Variants in MYH15 observed in about 807,000 individuals in gnomAD.
The protein encoded by MYH15 is myosin-15.
Under a neutral mutation model 240.5 loss-of-function variants are expected in MYH15, and 227 were observed. The ratio of observed to expected loss-of-function variants is 0.94; its 90% confidence interval spans 0.85 to 1.05. The LOEUF is 1.05. Ranked by LOEUF, MYH15 falls within the 50% of genes least tolerant of loss-of-function variation. MYH15 has a pLI of 0.00. For synonymous variants in MYH15, 785 were observed against 796.7 expected, an observed-to-expected ratio of 0.99 and a Z score of 0.25; for missense variants, 2,217 against 2,247.5, an observed-to-expected ratio of 0.99 and a Z score of 0.27.
chr3:108,494,747 G>A (rs1391391596), intron 7 of MYH15, among the ~76,000 whole-genome samples: 3 of 152,152 alleles, frequency 2.0e-5, no homozygotes, highest in Non-Finnish European at 4.4e-5. Flanking sequence ...GCCCACTTCA[G>A]CCTCCCAAAG....
chr3:108,456,908 G>T, intron 18 of MYH15, 25 bp from the exon 19 acceptor site: 1 of 1,532,440 alleles, frequency 6.5e-7, no homozygotes, highest in East Asian at 2.3e-5. Flanking sequence ...GAGTCATGGT[G>T]GATCTGTGCC....
At chr3:108,488,713 C>G (rs992518041) in intron 9 of MYH15, among the ~76,000 whole-genome samples, 5 of 152,104 alleles carry the variant, frequency 3.3e-5, no homozygotes, top group African/African-American at 1.2e-4. Flanking sequence ...TTTTCTCTAT[C>G]TCGGCAATTG....
At chr3:108,527,058 T>C (rs1051823436) in intron 1 of MYH15, among the ~76,000 whole-genome samples, 20 of 152,154 alleles carry the variant, frequency 1.3e-4, no homozygotes, top group African/African-American at 4.8e-4. Flanking sequence ...CAGAATTATT[T>C]AGAGGGTTTG....
At chr3:108,538,904 C>T in the MYH15 span, among the ~76,000 whole-genome samples, 10 of 152,074 alleles carry the variant, frequency 6.6e-5, no homozygotes, top group Non-Finnish European at 1.5e-4. Context: ...CACCCCATGG[C>T]AGAGAGTGGA....
chr3:108,512,318 T>G (rs1399551271), upstream of MYH15, among the ~76,000 whole-genome samples: 1 of 152,130 alleles, frequency 6.6e-6, no homozygotes, highest in Non-Finnish European at 1.5e-5. Context: ...TCATCAACTC[T>G]GTGGGCAGGA....
chr3:108,422,596 A>G (rs1401404318), intron 27 of MYH15, among the ~76,000 whole-genome samples: 1 of 152,204 alleles, frequency 6.6e-6, no homozygotes, highest in Non-Finnish European at 1.5e-5. Flanking sequence ...TGCTTGTTAC[A>G]TACCCAGCTC....
chr3:108,415,132 G>C (rs2082623339), intron 29 of MYH15, among the ~76,000 whole-genome samples: 1 of 152,014 alleles, frequency 6.6e-6, no homozygotes, highest in Non-Finnish European at 1.5e-5. Flanking sequence ...GGCCCTGCTG[G>C]GTTTAATAAA....
the MYH15 span, among the ~76,000 whole-genome samples, chr3:108,534,582 T>G: frequency 6.6e-6 from 1 of 152,082 alleles, no homozygotes; most frequent in Non-Finnish European, 1.5e-5. Context: ...AAGAAATCAT[T>G]AGGTCAGATT....
intron 21 of MYH15, among the ~76,000 whole-genome samples, chr3:108,450,487 TA>T (rs1240754732): frequency 1.3e-5 from 2 of 152,098 alleles, no homozygotes; most frequent in African/African-American, 4.8e-5. Context: ...TGTGGGATAT[TA>T]AAAAAGTCAA....
At chr3:108,545,452 G>A in the MYH15 span, among the ~76,000 whole-genome samples, 1 of 152,080 alleles carries the variant, frequency 6.6e-6, no homozygotes, top group African/African-American at 2.4e-5. Context: ...TAAAAGCCAT[G>A]AGCTTTATTT....
chr3:108,419,530 C>T (rs1359385152), intron 28 of MYH15, among the ~76,000 whole-genome samples: 2 of 152,188 alleles, frequency 1.3e-5, no homozygotes, highest in Non-Finnish European at 2.9e-5. Flanking sequence ...GGCCAGACAT[C>T]CAGGTATTCT....
At chr3:108,462,300 C>T (rs1465719912) in intron 16 of MYH15, among the ~76,000 whole-genome samples, 1 of 152,106 alleles carries the variant, frequency 6.6e-6, no homozygotes, top group Non-Finnish European at 1.5e-5. Flanking sequence ...TGCATGTAGC[C>T]TGTCTGTCTC....
intron 2 of MYH15, 50 bp from the exon 3 acceptor site, chr3:108,501,905 A>C: frequency 6.4e-7 from 1 of 1,560,902 alleles, no homozygotes; most frequent in Non-Finnish European, 8.8e-7. Context: ...TCCTATGCGT[A>C]TTCATTTTCC....
chr3:108,480,887 C>T (rs145990971), intron 11 of MYH15, among the ~76,000 whole-genome samples: 1 of 152,136 alleles, frequency 6.6e-6, no homozygotes, highest in Non-Finnish European at 1.5e-5. Flanking sequence ...GGTGCCCTTC[C>T]CCGTTCCTTC....
Position 108,463,732 on chromosome 3 carries a change from C to T in MYH15, c.1732-489G>A, listed in dbSNP as rs141413757. Among the ~76,000 whole-genome samples the T allele has an allele frequency of 9.9e-5, 15 of 151,934 alleles. No individual in the cohort carries two copies. In the East Asian group the frequency reaches 2.7e-3, roughly 27 times the overall value. On this transcript the variant is annotated intron_variant, in intron 15 of 40. Transcript: ENST00000693548. ...TAACCTCCAAAAGCCCATTGTGCAG[C>T]CCAGAAAGATTCTCAAGATTCTTAT...
intron 6 of MYH15, among the ~76,000 whole-genome samples, chr3:108,496,722 C>T (rs2083393651): frequency 6.7e-6 from 1 of 150,096 alleles, no homozygotes; most frequent in Non-Finnish European, 1.5e-5. Flanking sequence ...CAAGGATTTC[C>T]ATAGGAGTGT....
At chr3:108,432,002 A>G (rs2082783069) in intron 25 of MYH15, among the ~76,000 whole-genome samples, 1 of 152,042 alleles carries the variant, frequency 6.6e-6, no homozygotes, top group African/African-American at 2.4e-5. Context: ...GGTGGAAGGA[A>G]TTTCTAAGCA....
At chr3:108,496,951 G>A (rs1331206785) in intron 6 of MYH15, among the ~76,000 whole-genome samples, 1 of 151,662 alleles carries the variant, frequency 6.6e-6, no homozygotes, top group Admixed American at 6.6e-5. Flanking sequence ...CACGAGGTCA[G>A]GAGATCGAGA....
intron 3 of MYH15, among the ~76,000 whole-genome samples, chr3:108,500,989 C>T (rs2083432658): frequency 6.6e-6 from 1 of 152,196 alleles, no homozygotes; most frequent in Admixed American, 6.5e-5. Context: ...GGGAGTGCAG[C>T]CCTGCTGATT....
Sources: gnomAD v4.1 joint callset for allele counts (sites outside exome capture counted in the v4.1 genomes callset) on GRCh38, gnomAD v4.1.1 for gene constraint, MANE v1.5 for transcripts, NCBI Gene and HGNC (gene_info 2026-07-23, HGNC 2026-07-21) for gene names.